PHACTR1: variants seen among roughly 807,000 people sequenced by gnomAD.
PHACTR1 encodes RPEL repeat containing 1.
PHACTR1 carries 16 observed loss-of-function variants against 69.2 expected under a neutral mutation model. The ratio of observed to expected loss-of-function variants is 0.23; its 90% confidence interval spans 0.16 to 0.35. The LOEUF is 0.35. Ranked by LOEUF, PHACTR1 falls within the 10% of genes least tolerant of loss-of-function variation. The pLI is 1.00. For synonymous variants in PHACTR1, 312 were observed against 284.5 expected (o/e 1.10, Z -0.97); for missense variants, 510 against 734.7 (o/e 0.69, Z 3.54).
intron 7 of PHACTR1, among the ~76,000 whole-genome samples, chr6:13,201,327 A>G (rs1204284799): frequency 6.6e-6 from 1 of 152,182 alleles, no homozygotes; most frequent in African/African-American, 2.4e-5. Flanking sequence ...TTTATTATCA[A>G]GGAACAGGAA....
chr6:12,824,545 A>G (rs1429014427), intron 4 of PHACTR1, among the ~76,000 whole-genome samples: 2 of 152,222 alleles, frequency 1.3e-5, no homozygotes, highest in Non-Finnish European at 2.9e-5. Flanking sequence ...GAAAAGCCAT[A>G]TAAAGACTTT....
At chr6:12,741,207 A>T (rs1446467479) in intron 3 of PHACTR1, among the ~76,000 whole-genome samples, 2 of 152,122 alleles carry the variant, frequency 1.3e-5, no homozygotes, top group East Asian at 3.9e-4. Context: ...GTGTCTTATG[A>T]TGAACAGAAG....
At chr6:13,184,723 T>A in intron 7 of PHACTR1, 1 of 1,179,146 alleles carries the variant, frequency 8.5e-7, no homozygotes, top group Non-Finnish European at 1.2e-6. Flanking sequence ...CGAGTCCCTG[T>A]CCTGTGTTCC....
chr6:13,226,969 C>G (rs1769857883), intron 8 of PHACTR1, among the ~76,000 whole-genome samples: 1 of 152,090 alleles, frequency 6.6e-6, no homozygotes, highest in African/African-American at 2.4e-5. Context: ...ATCTCTTGAC[C>G]CCGTGATCCA....
intron 6 of PHACTR1, among the ~76,000 whole-genome samples, chr6:13,167,859 G>A (rs528426709): frequency 4.6e-5 from 7 of 152,190 alleles, no homozygotes; most frequent in South Asian, 4.1e-4. Context: ...CGCATTTTTC[G>A]TCTTCTGACA....
intron 10 of PHACTR1, among the ~76,000 whole-genome samples, chr6:13,271,599 AT>A (rs1241216420): frequency 4.6e-5 from 7 of 152,202 alleles, no homozygotes; most frequent in African/African-American, 1.7e-4. Flanking sequence ...GCAAAAAACT[AT>A]GTGTATCCTC....
chr6:12,914,449 T>C (rs1314871320), intron 4 of PHACTR1, among the ~76,000 whole-genome samples: 2 of 152,200 alleles, frequency 1.3e-5, no homozygotes, highest in Non-Finnish European at 2.9e-5. Context: ...GCTCTGAAAC[T>C]GTATGTCCGC....
intron 4 of PHACTR1, among the ~76,000 whole-genome samples, chr6:12,953,372 T>C (rs1369305106): frequency 1.3e-5 from 2 of 152,148 alleles, no homozygotes; most frequent in African/African-American, 4.8e-5. Flanking sequence ...ATATTCTCAT[T>C]CTACACAAAA....
chr6:12,828,695 A>C (rs1314590590), intron 4 of PHACTR1, among the ~76,000 whole-genome samples: 1 of 152,084 alleles, frequency 6.6e-6, no homozygotes, highest in Non-Finnish European at 1.5e-5. Flanking sequence ...ATGAAAATGT[A>C]TTGCTTTTGT....
chr6:13,110,005 TG>T (rs1205350065), intron 5 of PHACTR1, among the ~76,000 whole-genome samples: 1 of 152,142 alleles, frequency 6.6e-6, no homozygotes, highest in African/African-American at 2.4e-5. Context: ...ATTTCTTTGT[TG>T]TTTTTTTAAT....
intron 4 of PHACTR1, among the ~76,000 whole-genome samples, chr6:12,891,108 A>G (rs1367928641): frequency 6.6e-6 from 1 of 152,200 alleles, no homozygotes; most frequent in African/African-American, 2.4e-5. Context: ...TGCATTTCAA[A>G]TGAAAGTTAA....
chr6:13,013,763 G>A (rs1189010763), intron 4 of PHACTR1, among the ~76,000 whole-genome samples: 2 of 150,870 alleles, frequency 1.3e-5, no homozygotes, highest in South Asian at 2.1e-4. Context: ...CCGCCCCGCC[G>A]CGGCGGTGCT....
At chr6:12,827,625 T>C (rs2127721333) in intron 4 of PHACTR1, among the ~76,000 whole-genome samples, 2 of 152,308 alleles carry the variant, frequency 1.3e-5, no homozygotes, top group South Asian at 4.1e-4. Context: ...CTCACACAGA[T>C]GCAAATCCAA....
chr6:13,110,313 G>A (rs574034958), intron 5 of PHACTR1, among the ~76,000 whole-genome samples: 5 of 152,176 alleles, frequency 3.3e-5, no homozygotes, highest in African/African-American at 7.2e-5. Context: ...AGTTTGTTTC[G>A]GATGGATGTA....
At chr6:12,955,439 G>A (rs1046111943) in intron 4 of PHACTR1, among the ~76,000 whole-genome samples, 1 of 151,874 alleles carries the variant, frequency 6.6e-6, no homozygotes, top group African/African-American at 2.4e-5. Flanking sequence ...TCCTATTCTC[G>A]CCTGGCCTCC....
Position 13,172,516 on chromosome 6 carries a change from A to T in PHACTR1, c.497-10003A>T, listed in dbSNP as rs1349393665. Among the ~76,000 whole-genome samples the T allele has an allele frequency of 3.3e-5, 5 of 152,200 alleles. No homozygotes were observed. In the East Asian group the frequency reaches 9.6e-4, roughly 29 times the overall value. On this transcript the variant is annotated intron_variant, in intron 6 of 14. Coordinates refer to ENST00000332995, the MANE Select transcript of PHACTR1 (RefSeq NM_030948.6). ...CCAGACTCCACATGAGCCATGGTTT[A>T]TTGACCATGAGGTGCAGTCAGAGGC...
intron 5 of PHACTR1, among the ~76,000 whole-genome samples, chr6:13,127,952 T>C (rs937866260): frequency 2.0e-5 from 3 of 151,796 alleles, no homozygotes; most frequent in Non-Finnish European, 2.9e-5. Context: ...CTCAGCAAAC[T>C]TACAATCATG....
intron 5 of PHACTR1, among the ~76,000 whole-genome samples, chr6:13,109,871 T>C (rs1465467730): frequency 6.6e-6 from 1 of 151,800 alleles, no homozygotes; most frequent in East Asian, 1.9e-4. Flanking sequence ...TGTCTGTGTG[T>C]TTCAGTTTGG....
chr6:12,952,298 G>GGATA (rs1226896111), intron 4 of PHACTR1, among the ~76,000 whole-genome samples: 1 of 152,138 alleles, frequency 6.6e-6, no homozygotes, highest in African/African-American at 2.4e-5. Context: ...CTGTGGGTTT[G>GGATA]GATAAATGTT....
Sources: allele counts gnomAD v4.1 joint callset (sites outside exome capture counted in the v4.1 genomes callset), GRCh38; gene constraint gnomAD v4.1.1; transcripts MANE v1.5; gene names NCBI Gene and HGNC (gene_info 2026-07-23, HGNC 2026-07-21).